Variants in PCMTD2 observed in about 807,000 individuals in gnomAD.
The protein encoded by PCMTD2 is protein-L-isoaspartate (D-aspartate) O-methyltransferase domain containing 2, also known as protein-L-isoaspartate O-methyltransferase domain-containing protein 2.
PCMTD2 carries 16 observed loss-of-function variants against 33.4 expected under a neutral mutation model. The observed-to-expected ratio is 0.48, with a 90% confidence interval of 0.32 to 0.73. The LOEUF is 0.73. Ranked by LOEUF, PCMTD2 falls within the 30% of genes least tolerant of loss-of-function variation. The pLI, the probability that PCMTD2 is intolerant of heterozygous loss-of-function variation, is 0.03. For missense variants in PCMTD2, 374 were observed against 449.9 expected, an observed-to-expected ratio of 0.83 and a Z score of 1.53; for synonymous variants, 161 against 160.8, an observed-to-expected ratio of 1.00 and a Z score of -0.01.
At chr20:64,272,325 A>T in intron 5 of PCMTD2, 1 of 367,392 alleles carries the variant, frequency 2.7e-6, no homozygotes, top group Non-Finnish European at 5.7e-6. Flanking sequence ...AGTGATGCTG[A>T]TTTTCAGTTT....
chr20:64,268,096 C>A, intron 5 of PCMTD2, 86 bp downstream of exon 5: 1 of 955,564 alleles, frequency 1.0e-6, no homozygotes, highest in Non-Finnish European at 1.5e-6. Flanking sequence ...TTACAACAAA[C>A]CTTTTGATAT....
intron 4 of PCMTD2, among the ~76,000 whole-genome samples, chr20:64,265,928 CTG>C (rs2145761003): frequency 6.6e-6 from 1 of 152,208 alleles, no homozygotes; most frequent in South Asian, 2.1e-4. Context: ...GCTTGTTTGT[CTG>C]TGTTACTGTA....
chr20:64,268,146 C>CTT, intron 5 of PCMTD2, 136 bp downstream of exon 5: 2 of 508,324 alleles, frequency 3.9e-6, no homozygotes, highest in South Asian at 3.4e-5. Context: ...TAAAATTCTA[C>CTT]AAGCAATTTC....
At chr20:64,261,853 G>C (rs1391457353) in intron 2 of PCMTD2, among the ~76,000 whole-genome samples, 3 of 152,132 alleles carry the variant, frequency 2.0e-5, no homozygotes, top group Non-Finnish European at 4.4e-5. Context: ...TGAAAAATAG[G>C]GGCTATAGCT....
intron 2 of PCMTD2, among the ~76,000 whole-genome samples, chr20:64,261,576 T>C (rs1048103154): frequency 6.7e-6 from 1 of 148,976 alleles, no homozygotes; most frequent in Non-Finnish European, 1.5e-5. Context: ...TATAATTGAT[T>C]TTTGTGGATA....
rs954222633 is a variant in PCMTD2 at position 64,274,090 on chromosome 20, G to C, written c.*490G>C. The C allele has an allele frequency of 6.5e-6, 1 of 152,770 alleles. No individual in the cohort carries two copies. The highest frequency in any genetic ancestry group is 1.5e-5 in the Non-Finnish European group (1 of 68,440). The allele number at this position is 152,770 out of a possible 1,614,324, so 9.5% of individuals were successfully genotyped here. On this transcript the variant is annotated 3_prime_UTR_variant, in exon 6 of 6. Transcript: ENST00000308824. Reference sequence around the variant, plus strand: ...GTCCAAGTTTGAATTTTTATGATATGTACCACTTAATTACTGGCACTGAGT... The same window carrying C: ...GTCCAAGTTTGAATTTTTATGATATCTACCACTTAATTACTGGCACTGAGT...
chr20:64,270,355 C>T (rs553577039), intron 5 of PCMTD2, among the ~76,000 whole-genome samples: 2 of 131,192 alleles, frequency 1.5e-5, no homozygotes, highest in African/African-American at 5.9e-5. Flanking sequence ...GGTGTGGCGT[C>T]GTGAGTTCAG....
At chr20:64,258,587 G>T (rs1015968404) in intron 1 of PCMTD2, among the ~76,000 whole-genome samples, 2 of 152,140 alleles carry the variant, frequency 1.3e-5, no homozygotes, top group Non-Finnish European at 2.9e-5. Flanking sequence ...ACCTCCCACC[G>T]CTGTCTCCAG....
At chr20:64,258,183 C>T (rs900716873) in intron 1 of PCMTD2, among the ~76,000 whole-genome samples, 1 of 152,176 alleles carries the variant, frequency 6.6e-6, no homozygotes, top group Non-Finnish European at 1.5e-5. Flanking sequence ...TAAATAGACC[C>T]TTAAGCATCC....
chr20:64,268,150 C>CCTTTCTGACTTTTGT, intron 5 of PCMTD2, 140 bp downstream of exon 5: 2 of 574,092 alleles, frequency 3.5e-6, no homozygotes, highest in Non-Finnish European at 6.1e-6. Context: ...ATTCTACAAG[C>CCTTTCTGACTTTTGT]AATTTCAGGC....
chr20:64,260,230 A>C lies in PCMTD2; in HGVS notation c.265A>C (p.Ser89Arg). ...QPGLSFLNLGSGTGYLSSMVG... is the reference protein window; with the variant it reads ...QPGLSFLNLGRGTGYLSSMVG... ...TGGACTCTCGTTTCTGAACCTGGGC[A>C]GTGGCACTGGGTATCTCAGCTCCAT... The change falls in exon 2 of 6, where the codon AGT (serine) becomes CGT (arginine). Residue 89 changes from serine to arginine, a missense_variant. By Grantham distance (110) the Ser-to-Arg change is moderately radical. Transcript: ENST00000308824. 6.2e-7 allele frequency: 1 copy of C among 1,613,922 alleles called. No homozygotes were observed. The highest frequency in any genetic ancestry group is 8.5e-7 in the Non-Finnish European group (1 of 1,179,764).
chr20:64,256,717 C>CCTT (rs1985184945), intron 1 of PCMTD2: 2 of 152,206 alleles, frequency 1.3e-5, no homozygotes, highest in Admixed American at 1.3e-4. Context: ...CGATCCAGGG[C>CCTT]CTTGCTCCCT....
At chr20:64,260,504 C>A (rs181976950) in intron 2 of PCMTD2, among the ~76,000 whole-genome samples, 2 of 152,160 alleles carry the variant, frequency 1.3e-5, no homozygotes, top group South Asian at 4.1e-4. Flanking sequence ...TCTCTGTCCC[C>A]TCTTCCTGTG....
At chr20:64,260,399 C>G (rs1422732127) in intron 2 of PCMTD2, 127 bp downstream of exon 2, 1 of 660,554 alleles carries the variant, frequency 1.5e-6, no homozygotes, top group Non-Finnish European at 2.7e-6. Flanking sequence ...AGTTATCTGA[C>G]ATTGACACAT....
chr20:64,270,669 T>C (rs995547509), intron 5 of PCMTD2, among the ~76,000 whole-genome samples: 2 of 152,174 alleles, frequency 1.3e-5, no homozygotes, highest in Non-Finnish European at 2.9e-5. Context: ...GAGATAAAGA[T>C]AAAAACTAAG....
At chr20:64,265,516 A>G (rs1333332199) in intron 4 of PCMTD2, 87 bp downstream of exon 4, 5 of 1,010,716 alleles carry the variant, frequency 4.9e-6, no homozygotes, top group African/African-American at 3.2e-5. Context: ...TCTTTTAACA[A>G]TTTCCTGCAT....
chr20:64,265,060 T>C (rs895634716), intron 3 of PCMTD2, among the ~76,000 whole-genome samples, 198 bp from the exon 4 acceptor site: 1 of 152,264 alleles, frequency 6.6e-6, no homozygotes, highest in East Asian at 1.9e-4. Context: ...TTGTTTGGTA[T>C]TTCTAGAGTT....
chr20:64,265,460 C>T (rs1457587064), intron 4 of PCMTD2, 31 bp downstream of exon 4: 1 of 1,553,088 alleles, frequency 6.4e-7, no homozygotes, highest in African/African-American at 1.4e-5. Context: ...GACATTTCTG[C>T]ACACTGTGTG....
chr20:64,258,132 G>A (rs554529921), intron 1 of PCMTD2, among the ~76,000 whole-genome samples: 138 of 152,290 alleles, frequency 9.1e-4, no homozygotes, highest in Non-Finnish European at 1.4e-3. Flanking sequence ...TGAAGAGGTG[G>A]CTTTGACTGA....
Sources: gnomAD v4.1 joint callset for allele counts (sites outside exome capture counted in the v4.1 genomes callset) on GRCh38, gnomAD v4.1.1 for gene constraint, MANE v1.5 for transcripts, NCBI Gene and HGNC (gene_info 2026-07-23, HGNC 2026-07-21) for gene names.